ANXA4: variants seen among roughly 807,000 people sequenced by gnomAD.
ANXA4 encodes the protein 35-beta calcimedin.
ANXA4 carries 39 observed loss-of-function variants against 49.8 expected under a neutral mutation model. The ratio of observed to expected loss-of-function variants is 0.78; its 90% CI spans 0.61 to 1.02. The LOEUF (loss-of-function observed/expected upper bound fraction) is 1.02, where lower values mean the gene tolerates loss of function less well. ANXA4 is among the 50% of genes least tolerant of loss of function. The pLI, the probability that ANXA4 is intolerant of heterozygous loss-of-function variation, is 0.00. For missense variants in ANXA4, 360 were observed against 410.1 expected, an observed-to-expected ratio of 0.88 and a Z score of 1.05; for synonymous variants, 134 against 152.5, an observed-to-expected ratio of 0.88 and a Z score of 0.89.
chr2:69,746,201 G>T (rs1199055275), intron 1 of ANXA4, among the ~76,000 whole-genome samples: 1 of 151,938 alleles, frequency 6.6e-6, no homozygotes, highest in East Asian at 1.9e-4. Flanking sequence ...TAGTGGAGAC[G>T]GGGTTTCACC....
At chr2:69,792,605 TAC>T (rs1291581775) in intron 3 of ANXA4, among the ~76,000 whole-genome samples, 26 of 152,188 alleles carry the variant, frequency 1.7e-4, no homozygotes, top group African/African-American at 6.3e-4. Context: ...GCAAGATTTT[TAC>T]AGTTTTTTTT....
In ANXA4 at chr2:69,826,746, C is replaced by T. The variant is rs1674486025; in HGVS notation, c.*1231C>T. 6.7e-6 allele frequency: 1 copy of T among 149,194 alleles called. No individual in the cohort carries two copies. The allele number at this position is 149,194 out of a possible 1,614,324, so 9.2% of individuals were successfully genotyped here. The stretch of plus-strand genomic sequence containing the variant: ...GGCAAAGGTTGCAGTGAGCCGAGAT[C>T]ACGCCAGCCTGGGCGACAGAGCGAG... On this transcript the variant is annotated 3_prime_UTR_variant, in exon 13 of 13. Coordinates refer to ENST00000394295, the MANE Select transcript of ANXA4 (RefSeq NM_001153.5).
chr2:69,816,014 C>A, intron 8 of ANXA4, 87 bp from the exon 9 acceptor site: 1 of 1,056,884 alleles, frequency 9.5e-7, no homozygotes. Flanking sequence ...ACTAAGCCAG[C>A]TCAGCTCTTT....
At chr2:69,721,777 TCC>T (rs987452218) in intron 3 of ANXA4, among the ~76,000 whole-genome samples, 4 of 152,198 alleles carry the variant, frequency 2.6e-5, no homozygotes, top group African/African-American at 9.6e-5. Flanking sequence ...AATCAAGACC[TCC>T]CCCAGTCTCC....
intron 3 of ANXA4, among the ~76,000 whole-genome samples, chr2:69,728,362 A>G (rs1475019540): frequency 6.6e-6 from 1 of 152,172 alleles, no homozygotes; most frequent in Non-Finnish European, 1.5e-5. Flanking sequence ...TGTCTTGATG[A>G]GCAGAAATTC....
chr2:69,733,812 C>T (rs62133977), intron 3 of ANXA4, among the ~76,000 whole-genome samples: 34,130 of 151,922 alleles, frequency 0.22, 4,232 homozygotes, highest in South Asian at 0.31. Context: ...TTAAAAAATA[C>T]TTTCTTCTTT....
chr2:69,778,935 T>C (rs1672082384), intron 1 of ANXA4, among the ~76,000 whole-genome samples: 1 of 151,530 alleles, frequency 6.6e-6, no homozygotes, highest in South Asian at 2.1e-4. Context: ...CTGTCTGTAC[T>C]AAAAATACAA....
chr2:69,780,748 A>G (rs570983056), intron 1 of ANXA4, among the ~76,000 whole-genome samples: 1 of 152,288 alleles, frequency 6.6e-6, no homozygotes, highest in Admixed American at 6.5e-5. Flanking sequence ...ACTCAAAAAA[A>G]CAAGAAAAGA....
upstream of ANXA4, among the ~76,000 whole-genome samples, chr2:69,737,090 A>C (rs1670264890): frequency 6.6e-6 from 1 of 152,320 alleles, no homozygotes; most frequent in East Asian, 1.9e-4. Context: ...GGTGTGAGCC[A>C]CTGCACCCAG....
intron 1 of ANXA4, among the ~76,000 whole-genome samples, chr2:69,763,228 G>A (rs949749464): frequency 6.6e-6 from 1 of 152,146 alleles, no homozygotes; most frequent in African/African-American, 2.4e-5. Context: ...CCAAGGGGAG[G>A]AGGAGTTGCC....
chr2:69,741,214 T>G (rs377323220), upstream of ANXA4, among the ~76,000 whole-genome samples: 3 of 152,362 alleles, frequency 2.0e-5, no homozygotes, highest in South Asian at 6.2e-4. Context: ...GGCTATTCTC[T>G]GTTTTTTAAA....
chr2:69,770,844 C>T (rs553518092), intron 1 of ANXA4, among the ~76,000 whole-genome samples: 11 of 151,580 alleles, frequency 7.3e-5, no homozygotes, highest in African/African-American at 2.2e-4. Context: ...AATCCCAGCA[C>T]GTTGGGAGGG....
chr2:69,699,301 A>C (rs1267282929), intron 2 of ANXA4, among the ~76,000 whole-genome samples: 1 of 152,208 alleles, frequency 6.6e-6, no homozygotes, highest in African/African-American at 2.4e-5. Flanking sequence ...TTAAAAGATC[A>C]AAGATGTGGA....
chr2:69,819,346 G>C lies in ANXA4; in HGVS notation c.783+8G>C. 1 of 1,598,972 alleles carries C rather than the reference G, an allele frequency of 6.3e-7. No homozygotes were observed. Among genetic ancestry groups the C allele is most frequent in the Non-Finnish European group, 8.5e-7 (1 of 1,169,738 alleles). On this transcript the variant is annotated splice_region_variant and intron_variant, in intron 11 of 12. Coordinates refer to ENST00000394295, the MANE Select transcript of ANXA4 (RefSeq NM_001153.5). ...CTCTATAAATCGATGAAGGTAAATG[G>C]CCTTATTTTCAGCATCTAAATGAAT...
At chr2:69,714,752 G>A (rs536677151) in intron 2 of ANXA4, among the ~76,000 whole-genome samples, 36 of 152,316 alleles carry the variant, frequency 2.4e-4, no homozygotes, top group Non-Finnish European at 4.1e-4. Context: ...GGAGGTGCCT[G>A]AGTCGGTCAG....
chr2:69,656,967 C>A (rs1041834698), intron 2 of ANXA4, among the ~76,000 whole-genome samples: 3 of 151,374 alleles, frequency 2.0e-5, no homozygotes, highest in Non-Finnish European at 4.4e-5. Context: ...AGTGGCTTTA[C>A]AATGTTTTTA....
At chr2:69,815,904 G>C (rs533210414) in intron 8 of ANXA4, 197 bp from the exon 9 acceptor site, 10 of 559,640 alleles carry the variant, frequency 1.8e-5, no homozygotes, top group East Asian at 8.6e-5. Context: ...TGACTCCCAG[G>C]GGGGTATGAC....
At chr2:69,820,061 C>CT (rs998224298) in intron 11 of ANXA4, among the ~76,000 whole-genome samples, 53 of 146,828 alleles carry the variant, frequency 3.6e-4, no homozygotes, top group Non-Finnish European at 1.6e-4. Flanking sequence ...CAGTGAGACT[C>CT]TGTCTCAAAA....
At chr2:69,772,975 C>G (rs1671788425) in intron 1 of ANXA4, among the ~76,000 whole-genome samples, 1 of 151,854 alleles carries the variant, frequency 6.6e-6, no homozygotes, top group African/African-American at 2.4e-5. Flanking sequence ...CGAGATCATG[C>G]CACTGCACTC....
Sources: gnomAD v4.1 joint callset for allele counts (sites outside exome capture counted in the v4.1 genomes callset) on GRCh38, gnomAD v4.1.1 for gene constraint, MANE v1.5 for transcripts, NCBI Gene and HGNC (gene_info 2026-07-23, HGNC 2026-07-21) for gene names.